Variants in JMJD1C observed in about 807,000 individuals in gnomAD.
JMJD1C encodes the protein jumonji domain-containing protein 1C.
Under a neutral mutation model 245.3 loss-of-function variants are expected in JMJD1C, and 31 were observed. That is an observed-to-expected ratio of 0.13 (90% CI 0.09 to 0.17). The LOEUF is 0.17. JMJD1C is among the 10% of genes least tolerant of loss of function. The pLI is 1.00. For synonymous variants in JMJD1C, 1,057 were observed against 1,017.4 expected (o/e 1.04, Z -0.74); for missense variants, 2,691 against 3,000.2 (o/e 0.90, Z 2.41).
At chr10:63,452,045 G>C (rs1276724685) in intron 1 of JMJD1C, among the ~76,000 whole-genome samples, 4 of 152,078 alleles carry the variant, frequency 2.6e-5, no homozygotes, top group Admixed American at 2.6e-4. Flanking sequence ...CAACTTCTGG[G>C]AAATGACACC....
Position 63,392,748 on chromosome 10 carries a change from A to T in JMJD1C, c.169-12266T>A, listed in dbSNP as rs192543204. 9.9e-4 allele frequency among the ~76,000 whole-genome samples: 148 copies of T among 148,948 alleles called. 2 individuals are homozygous for T. The highest frequency in any genetic ancestry group is 3.5e-3 in the African/African-American group (143 of 40,308). Reference sequence around the variant, plus strand: ...GCTGAAGCAAGAGAACTGCTTGAACACGGGAGGCAGAGGTTGCAGTGAGCC... The same window carrying T: ...GCTGAAGCAAGAGAACTGCTTGAACTCGGGAGGCAGAGGTTGCAGTGAGCC... On this transcript the variant is annotated intron_variant, in intron 1 of 25. Transcript: ENST00000399262.
At chr10:63,191,533 T>G (rs988769239) in intron 16 of JMJD1C, among the ~76,000 whole-genome samples, 2 of 152,182 alleles carry the variant, frequency 1.3e-5, no homozygotes, top group Non-Finnish European at 2.9e-5. Context: ...AGCATTGTGA[T>G]TTATTCACCT....
chr10:63,210,507 G>C (rs1010693356), intron 8 of JMJD1C, among the ~76,000 whole-genome samples: 2 of 152,126 alleles, frequency 1.3e-5, no homozygotes, highest in Non-Finnish European at 2.9e-5. Context: ...CATGGTCTAA[G>C]TCCATATACA....
At chr10:63,239,523 C>A (rs150486911) in intron 3 of JMJD1C, among the ~76,000 whole-genome samples, 544 of 152,264 alleles carry the variant, frequency 3.6e-3, no homozygotes, top group Non-Finnish European at 6.3e-3. Context: ...TGGCTCACTG[C>A]AACCTCCGTT....
intron 1 of JMJD1C, among the ~76,000 whole-genome samples, chr10:63,429,369 G>A (rs932531511): frequency 1.3e-5 from 2 of 152,026 alleles, no homozygotes; most frequent in Admixed American, 6.6e-5. Context: ...AGACAGCTTT[G>A]AAGATCTCAT....
intron 1 of JMJD1C, among the ~76,000 whole-genome samples, chr10:63,453,983 A>T (rs1363616641): frequency 6.6e-6 from 1 of 152,154 alleles, no homozygotes; most frequent in Non-Finnish European, 1.5e-5. Flanking sequence ...TCAGCCTCCC[A>T]GAGTGCTGGG....
chr10:63,218,342 G>C (rs12242200), intron 4 of JMJD1C, among the ~76,000 whole-genome samples: 10 of 152,092 alleles, frequency 6.6e-5, no homozygotes, highest in African/African-American at 1.9e-4. Context: ...ACTGTAGAAA[G>C]TATTCCATAT....
intron 2 of JMJD1C, among the ~76,000 whole-genome samples, chr10:63,378,541 G>A (rs376843323): frequency 2.0e-5 from 3 of 152,196 alleles, no homozygotes; most frequent in South Asian, 2.1e-4. Context: ...GCAGTGAGCC[G>A]AGATCATGCC....
At chr10:63,327,691 G>A (rs1941681917) in intron 2 of JMJD1C, among the ~76,000 whole-genome samples, 1 of 150,236 alleles carries the variant, frequency 6.7e-6, no homozygotes, top group Non-Finnish European at 1.5e-5. Context: ...TTTTTGAGAT[G>A]GAGTTTCGCT....
At chr10:63,340,889 G>A (rs192287468) in intron 2 of JMJD1C, among the ~76,000 whole-genome samples, 3 of 152,080 alleles carry the variant, frequency 2.0e-5, no homozygotes, top group African/African-American at 7.3e-5. Flanking sequence ...AGGTTGCAGT[G>A]AGTTGAAATC....
At chr10:63,430,130 C>G (rs1196442274) in intron 1 of JMJD1C, among the ~76,000 whole-genome samples, 1 of 152,186 alleles carries the variant, frequency 6.6e-6, no homozygotes, top group Non-Finnish European at 1.5e-5. Context: ...ACTGGGACAA[C>G]TGGGTTTCCA....
intron 3 of JMJD1C, among the ~76,000 whole-genome samples, chr10:63,227,952 G>A (rs1849503854): frequency 6.6e-6 from 1 of 152,120 alleles, no homozygotes; most frequent in Non-Finnish European, 1.5e-5. Flanking sequence ...AATCCATTTT[G>A]CTAATAAGGA....
chr10:63,387,422 A>T (rs1205393620), intron 1 of JMJD1C, among the ~76,000 whole-genome samples: 1 of 152,042 alleles, frequency 6.6e-6, no homozygotes, highest in African/African-American at 2.4e-5. Flanking sequence ...TAATACAAAG[A>T]AAAGAAAAAC....
rs1052826982 is a variant in JMJD1C, at chr10:63,315,861, GA to G, written c.334-51098del. ...CTCAAAAAAAAAAAAAAAACACCAC[GA>G]AAAAAAAAAAGAAGAAATTCTAATG... On this transcript the variant is annotated intron_variant, in intron 2 of 25. Coordinates refer to ENST00000399262, the MANE Select transcript of JMJD1C (RefSeq NM_032776.3). 3.0e-3 allele frequency among the ~76,000 whole-genome samples: 395 copies of G among 131,744 alleles called. 3 individuals carry two copies. The highest frequency in any genetic ancestry group is 9.4e-3 in the African/African-American group (331 of 35,090). 86.4% of individuals were successfully genotyped at this position (131,744 alleles called of 152,430 possible).
chr10:63,176,605 C>CA, intron 23 of JMJD1C, 132 bp from the exon 24 acceptor site: 1 of 658,286 alleles, frequency 1.5e-6, no homozygotes, highest in Non-Finnish European at 2.6e-6. Context: ...GAATGAGCTT[C>CA]TTCAGTTAAA....
chr10:63,325,586 A>G (rs1435465148), intron 2 of JMJD1C, among the ~76,000 whole-genome samples: 15 of 152,216 alleles, frequency 9.9e-5, no homozygotes, highest in Admixed American at 9.8e-4. Context: ...GAGCCTAAAA[A>G]GAACTTTCTT....
chr10:63,210,325 T>C (rs1203717789), intron 8 of JMJD1C, among the ~76,000 whole-genome samples: 1 of 152,160 alleles, frequency 6.6e-6, no homozygotes, highest in Non-Finnish European at 1.5e-5. Flanking sequence ...TTTTGGTCAA[T>C]AGTAGGGGGT....
intron 1 of JMJD1C, among the ~76,000 whole-genome samples, chr10:63,447,526 T>G (rs184245788): frequency 9.8e-5 from 15 of 152,336 alleles, no homozygotes; most frequent in Admixed American, 9.2e-4. Flanking sequence ...CCAGTCAAAA[T>G]TTCACTAAGC....
At chr10:63,387,125 A>C in intron 1 of JMJD1C, among the ~76,000 whole-genome samples, 1 of 152,204 alleles carries the variant, frequency 6.6e-6, no homozygotes, top group South Asian at 2.1e-4. Flanking sequence ...TCAAAGCAAA[A>C]GTGCCCTACC....
Sources: gnomAD v4.1 joint callset for allele counts (sites outside exome capture counted in the v4.1 genomes callset) on GRCh38, gnomAD v4.1.1 for gene constraint, MANE v1.5 for transcripts, NCBI Gene and HGNC (gene_info 2026-07-23, HGNC 2026-07-21) for gene names.